FAAP100: variants seen among roughly 807,000 people sequenced by gnomAD.
FAAP100 encodes the protein FA core complex associated protein 100.
FAAP100 carries 46 observed loss-of-function variants against 65.8 expected under a neutral mutation model. The ratio of observed to expected loss-of-function variants is 0.70; its 90% confidence interval spans 0.55 to 0.89. FAAP100 has a LOEUF of 0.89. Ranked by LOEUF, FAAP100 falls within the 40% of genes least tolerant of loss-of-function variation. FAAP100 has a pLI of 0.00. For synonymous variants in FAAP100, 663 were observed against 555.1 expected, an observed-to-expected ratio of 1.19 and a Z score of -2.73; for missense variants, 1,165 against 1,196.7, an observed-to-expected ratio of 0.97 and a Z score of 0.39.
chr17:81,550,213 G>T, intron 3 of FAAP100, 35 bp downstream of exon 3: 1 of 1,538,572 alleles, frequency 6.5e-7, no homozygotes, highest in South Asian at 1.2e-5. Context: ...CTCCACCCTG[G>T]GCTCCCATCT....
In FAAP100 at chr17:81,540,194, T is replaced by C; in HGVS notation, c.*625A>G. ...CCGGCCACAGGCCACCCGCTGGCCC[T>C]TCCTTGGTGTGGCACGAGACCACGG... is the stretch of plus-strand genomic sequence containing the variant. On this transcript the variant is annotated 3_prime_UTR_variant, in exon 9 of 9. Transcript: ENST00000327787. 1 of 399,022 alleles carries C rather than the reference T, an allele frequency of 2.5e-6. No individual in the cohort carries two copies. The highest frequency in any genetic ancestry group is 4.4e-6 in the Non-Finnish European group (1 of 226,202). 24.7% of individuals were successfully genotyped at this position (399,022 alleles called of 1,614,324 possible).
rs781004288 is a variant in FAAP100, at chr17:81,550,270, G to A, written c.1224C>T (p.Ser408=). 62 of 1,606,542 alleles carry A rather than the reference G, an allele frequency of 3.9e-5. No homozygotes were observed. Among genetic ancestry groups the A allele is most frequent in the East Asian group, 3.8e-4 (17 of 44,740 alleles). ...TACCTTCATGCGTCCTGGGAGACGC[G>A]GACAGCGAGACGACACTGCAGATGT... The part of the protein sequence containing the change: ...SLNICSVVSL[S]ASPRTHEGGT... The change falls in exon 3 of 9, where the codon TCC becomes TCT. Residue 408 remains serine, a synonymous_variant. Transcript: ENST00000327787.
rs577801043 is a variant in FAAP100 at position 81,540,615 on chromosome 17, G to A, written c.*204C>T. 19 of 654,180 alleles carry A rather than the reference G, an allele frequency of 2.9e-5. No individual in the cohort carries two copies. The highest frequency in any genetic ancestry group is 1.7e-4 in the African/African-American group (9 of 53,856). 40.5% of individuals were successfully genotyped at this position (654,180 alleles called of 1,614,324 possible). Reference sequence around the variant, plus strand: ...GCTGGACCGGCCAGGTTCAGAGCCCGCCTCGGTTGCTCCCAATCAGAATCT... The same window carrying A: ...GCTGGACCGGCCAGGTTCAGAGCCCACCTCGGTTGCTCCCAATCAGAATCT... On this transcript the variant is annotated 3_prime_UTR_variant, in exon 9 of 9. Transcript: ENST00000327787.
chr17:81,547,164 G>A lies in FAAP100; in HGVS notation c.1918C>T (p.Leu640=), dbSNP rs2033335152. The A allele has an allele frequency of 6.5e-7, 1 of 1,545,020 alleles. No individual in the cohort carries two copies. The highest frequency in any genetic ancestry group is 1.2e-5 in the South Asian group (1 of 81,028). The change falls in exon 5 of 9, where the codon CTG becomes TTG. Residue 640 remains leucine, a synonymous_variant. Coordinates refer to ENST00000327787, the MANE Select transcript of FAAP100 (RefSeq NM_025161.6). Reference sequence around the variant, plus strand: ...TCCACTGTGTGCCTGCTCAGGGGCAGGCAAACACCCTCTTGCTCGGGCAGG... The same window carrying A: ...TCCACTGTGTGCCTGCTCAGGGGCAAGCAAACACCCTCTTGCTCGGGCAGG... ...DVLPEQEGVC[L]PLSRHTVDML...
intron 3 of FAAP100, 103 bp from the exon 4 acceptor site, chr17:81,549,465 G>T: frequency 7.2e-7 from 1 of 1,390,592 alleles, no homozygotes; most frequent in Non-Finnish European, 9.7e-7. Context: ...TTGGAAGACG[G>T]CCAAGGCCAG....
intron 6 of FAAP100, 116 bp from the exon 7 acceptor site, chr17:81,544,236 A>T: frequency 1.3e-6 from 1 of 797,330 alleles, no homozygotes; most frequent in Non-Finnish European, 2.1e-6. Flanking sequence ...GATGGTCCCA[A>T]CCCCCTGCCC....
chr17:81,547,408 C>T lies in FAAP100; in HGVS notation c.1674G>A (p.Ser558=), dbSNP rs780718403. The change falls in exon 5 of 9, where the codon TCG becomes TCA. Residue 558 remains serine (S), a synonymous_variant. Coordinates refer to ENST00000327787, the MANE Select transcript of FAAP100 (RefSeq NM_025161.6). ...TGGTGTAGGTGATGGCGGAGCAGGC[C>T]GAGTCCAGGTCGAGAGCACAGGAGC... is the stretch of plus-strand genomic sequence containing the variant. The part of the protein sequence containing the change: ...LTSSCALDLD[S]ACSAITYTIP... The T allele has an allele frequency of 1.7e-5, 27 of 1,612,732 alleles. No homozygotes were observed. Among genetic ancestry groups the T allele is most frequent in the South Asian group, 3.3e-5 (3 of 91,090 alleles).
chr17:81,549,714 G>A (rs2033425058), intron 3 of FAAP100, among the ~76,000 whole-genome samples: 1 of 152,234 alleles, frequency 6.6e-6, no homozygotes, highest in South Asian at 2.1e-4. Flanking sequence ...GGTAGGAGGT[G>A]TGTGGCTCTA....
chr17:81,549,137 C>T, intron 4 of FAAP100, 69 bp downstream of exon 4: 1 of 1,582,048 alleles, frequency 6.3e-7, no homozygotes, highest in Admixed American at 1.8e-5. Context: ...CAGGACGACC[C>T]CACACAGGGA....
upstream of FAAP100, chr17:81,552,380 C>T (rs1243905768): frequency 7.6e-7 from 1 of 1,307,246 alleles, no homozygotes. Context: ...GCGGCGGCGG[C>T]TCCGCCTCGG....
At position 81,541,399 on chromosome 17, in the gene FAAP100, G is replaced by A; in HGVS notation, c.2428-4C>T. 5 of 1,600,836 alleles carry A rather than the reference G, an allele frequency of 3.1e-6. No individual in the cohort carries two copies. Among genetic ancestry groups the A allele is most frequent in the Non-Finnish European group, 4.3e-6 (5 of 1,171,794 alleles). On this transcript the variant is annotated splice_polypyrimidine_tract_variant and splice_region_variant and intron_variant, in intron 7 of 8. Transcript: ENST00000327787. ...TGGCCTGCTCTGTCACCATCGTCTG[G>A]GGGACACAGGAGACATGCTGGAGAG... is the stretch of plus-strand genomic sequence containing the variant.
intron 4 of FAAP100, chr17:81,548,207 G>C (rs1479934556): frequency 1.0e-5 from 6 of 588,586 alleles, no homozygotes; most frequent in East Asian, 5.5e-5. Flanking sequence ...AGCAGGGGAG[G>C]CTGCGCGCAC....
In FAAP100 at chr17:81,551,986, C is replaced by T. The variant is rs1463897893; in HGVS notation, c.232G>A (p.Ala78Thr). 1.9e-6 allele frequency: 3 copies of T among 1,566,964 alleles called. No homozygotes were observed. The highest frequency in any genetic ancestry group is 2.6e-6 in the Non-Finnish European group (3 of 1,165,908). ...TAGAGGCCCCTCCGGGCGCACAGCG[C>T]GTACAGCAACCTGCGCGGCGCCAGC... Reference protein sequence around the residue: ...ELLAPRRLLYALCARRGLYCL... With the variant: ...ELLAPRRLLYTLCARRGLYCL... Residue 78 changes from alanine to threonine, a missense_variant, in exon 2 of 9, where the codon GCG becomes ACG. Physicochemically the swap from Ala to Thr is moderately conservative, Grantham distance 58. Transcript: ENST00000327787.
chr17:81,546,978 G>T lies in FAAP100; in HGVS notation c.2104C>A (p.Pro702Thr). The T allele has an allele frequency of 6.7e-7, 1 of 1,490,544 alleles. No homozygotes were observed. The highest frequency in any genetic ancestry group is 8.9e-7 in the Non-Finnish European group (1 of 1,119,498). 92.3% of individuals were successfully genotyped at this position (1,490,544 alleles called of 1,614,324 possible). A position where few individuals can be genotyped will look rare whatever the true frequency, so the allele number is the denominator to read the frequency against. Reference protein sequence around the residue: ...GPASLRAEYLPPSVASIKVSA... With the variant: ...GPASLRAEYLTPSVASIKVSA... ...ACCTTGATGGAAGCCACAGATGGGGGCAGGTACTCGGCCCGCAGGGAGGCG... is the reference window on the plus strand; with the variant it reads ...ACCTTGATGGAAGCCACAGATGGGGTCAGGTACTCGGCCCGCAGGGAGGCG... Residue 702 changes from proline to threonine, a missense_variant, in exon 5 of 9, where the codon CCC becomes ACC. Transcript: ENST00000327787.
At position 81,544,138 on chromosome 17, in the gene FAAP100, C is replaced by A; in HGVS notation, c.2311-18G>T. ...ATGGCCACCTGCAACACAGGAGCCA[C>A]CTCACTGCCTGCCTGTGGCACTCCC... On this transcript the variant is annotated intron_variant, in intron 6 of 8. Transcript: ENST00000327787. 6.3e-7 allele frequency: 1 copy of A among 1,582,470 alleles called. No homozygotes were observed. The highest frequency in any genetic ancestry group is 8.7e-7 in the Non-Finnish European group (1 of 1,152,680).
intron 2 of FAAP100, among the ~76,000 whole-genome samples, chr17:81,551,406 C>A (rs1279200918): frequency 1.3e-5 from 2 of 152,282 alleles, no homozygotes; most frequent in Non-Finnish European, 2.9e-5. Context: ...CCAAAACCAG[C>A]GTGAACCGAC....
chr17:81,552,083 C>A, intron 1 of FAAP100, 31 bp from the exon 2 acceptor site: 2 of 1,456,878 alleles, frequency 1.4e-6, no homozygotes, highest in Non-Finnish European at 1.8e-6. Flanking sequence ...CAGGCCGACG[C>A]GACGCGCGGG....
chr17:81,545,630 T>TG (rs2033271266), intron 6 of FAAP100, 116 bp downstream of exon 6: 1 of 1,368,058 alleles, frequency 7.3e-7, no homozygotes, highest in Non-Finnish European at 9.8e-7. Flanking sequence ...CCGGGAAGCT[T>TG]GGGAAAAGGC....
At position 81,551,611 on chromosome 17, in the gene FAAP100, C is replaced by T. The variant is rs528593180; in HGVS notation, c.290+317G>A. ...CGGGGTCACGGTGCCTTTGCTGTCT[C>T]CTCCCTCCAATAAAGACCCAACCTC... On this transcript the variant is annotated intron_variant, in intron 2 of 8. Transcript: ENST00000327787. 1.7e-4 allele frequency: 185 copies of T among 1,099,152 alleles called. No homozygotes were observed. In the African/African-American group the frequency reaches 2.5e-3, roughly 15 times the overall value. 68.1% of individuals were successfully genotyped at this position (1,099,152 alleles called of 1,614,324 possible). A position where few individuals can be genotyped will look rare whatever the true frequency, so the allele number is the denominator to read the frequency against.
Sources: allele counts gnomAD v4.1 joint callset (sites outside exome capture counted in the v4.1 genomes callset), GRCh38; gene constraint gnomAD v4.1.1; transcripts MANE v1.5; gene names NCBI Gene and HGNC (gene_info 2026-07-23, HGNC 2026-07-21).